UGGT1: variants seen among roughly 807,000 people sequenced by gnomAD.
UGGT1 encodes the protein UDP-glucose glycoprotein glucosyltransferase 1.
In UGGT1, 107 loss-of-function variants were observed where a neutral mutation model predicts 203.9. The ratio of observed to expected loss-of-function variants is 0.52; its 90% CI spans 0.45 to 0.62. UGGT1 has a LOEUF of 0.62. UGGT1 is among the 20% of genes least tolerant of loss of function. UGGT1 has a pLI of 0.00. For synonymous variants in UGGT1, 628 were observed against 653.5 expected (o/e 0.96, Z 0.59); for missense variants, 1,673 against 1,867.2 (o/e 0.90, Z 1.92).
intron 25 of UGGT1, 75 bp from the exon 26 acceptor site, chr2:128,164,655 T>C (rs1690694258): frequency 1.4e-5 from 17 of 1,214,188 alleles, no homozygotes; most frequent in Non-Finnish European, 1.9e-5. Context: ...GTATTTGGGC[T>C]GATGATATGT....
chr2:128,136,337 C>T (rs1689128820), intron 15 of UGGT1, among the ~76,000 whole-genome samples: 1 of 152,182 alleles, frequency 6.6e-6, no homozygotes, highest in African/African-American at 2.4e-5. Flanking sequence ...AGTTTCACTG[C>T]CCTAAAAATC....
intron 5 of UGGT1, among the ~76,000 whole-genome samples, chr2:128,110,455 A>G (rs992342917): frequency 1.3e-5 from 2 of 152,214 alleles, no homozygotes; most frequent in Non-Finnish European, 2.9e-5. Context: ...CTTCTTACTC[A>G]GAGTGCCGAC....
chr2:128,160,627 C>T lies in UGGT1; in HGVS notation c.2694+36C>T, dbSNP rs762217746. The stretch of plus-strand genomic sequence containing the variant: ...GTCAAGCTTGACTTCACATTAGATC[C>T]GTGAACAGTCTTTGCAGCATTCTCC... On this transcript the variant is annotated intron_variant, in intron 24 of 40. Transcript: ENST00000259253. 1.1e-5 allele frequency: 17 copies of T among 1,586,046 alleles called. No homozygotes were observed. The East Asian group carries it at 1.4e-4, about 13-fold the overall frequency.
chr2:128,134,724 G>A (rs1216694585), intron 14 of UGGT1, 152 bp from the exon 15 acceptor site: 1 of 634,324 alleles, frequency 1.6e-6, no homozygotes, highest in Admixed American at 2.6e-5. Context: ...CATAGAGGGA[G>A]GTAGCTGCTA....
At chr2:128,139,360 G>A (rs1264982166) in intron 16 of UGGT1, among the ~76,000 whole-genome samples, 4 of 152,204 alleles carry the variant, frequency 2.6e-5, no homozygotes, top group South Asian at 4.1e-4. Flanking sequence ...CTGGGATTAC[G>A]GCCGTGCACC....
At chr2:128,104,075 G>A (rs1573497526) in intron 3 of UGGT1, 61 bp downstream of exon 3, 1 of 1,365,664 alleles carries the variant, frequency 7.3e-7, no homozygotes, top group Non-Finnish European at 1.0e-6. Flanking sequence ...GGAAAAAATT[G>A]TCTCTTTATA....
In UGGT1 at chr2:128,120,369, G is replaced by T. The variant is rs765347260; in HGVS notation, c.886G>T (p.Asp296Tyr). Residue 296 changes from aspartate to tyrosine, a missense_variant, in exon 9 of 41, where the codon GAC becomes TAC. By Grantham distance (160) the Asp-to-Tyr change is radical. This residue lies in a region of UGGT1 where 1,073 missense variants were observed against 1,078.7 expected (regional missense o/e 0.99). Coordinates refer to ENST00000259253, the MANE Select transcript of UGGT1 (RefSeq NM_020120.4). ...LFGKLRDLHP[D>Y]LEGQLKELRK... ...TGTTTCTTTTAGAGATCTGCACCCC[G>T]ACCTGGAGGGACAGTTGAAAGAACT... is the stretch of plus-strand genomic sequence containing the variant. 1.3e-5 allele frequency: 21 copies of T among 1,613,548 alleles called. No individual in the cohort carries two copies. The highest frequency in any genetic ancestry group is 1.7e-6 in the Non-Finnish European group (2 of 1,179,870).
intron 18 of UGGT1, among the ~76,000 whole-genome samples, chr2:128,150,902 G>A (rs985328582): frequency 2.0e-5 from 3 of 152,042 alleles, no homozygotes. Flanking sequence ...CCAGGCTAGA[G>A]TTCAGTGGTG....
intron 37 of UGGT1, among the ~76,000 whole-genome samples, chr2:128,183,324 TC>T (rs57380100): frequency 5.3e-5 from 8 of 151,542 alleles, no homozygotes; most frequent in Middle Eastern, 3.4e-3. Context: ...TCTGGGGTTT[TC>T]CCCCCCCTGT....
chr2:128,187,422 C>A (rs1432358240), intron 39 of UGGT1, 27 bp from the exon 40 acceptor site: 1 of 1,605,532 alleles, frequency 6.2e-7, no homozygotes, highest in Non-Finnish European at 8.5e-7. Context: ...TTCAACTCAG[C>A]TGAAGTGTGT....
chr2:128,180,853 A>G (rs1691658416), intron 35 of UGGT1, 37 bp from the exon 36 acceptor site: 1 of 1,587,418 alleles, frequency 6.3e-7, no homozygotes, highest in African/African-American at 1.4e-5. Context: ...CTTAATCAGA[A>G]GAAATGATTA....
At chr2:128,156,275 G>A in intron 20 of UGGT1, 117 bp from the exon 21 acceptor site, 1 of 778,110 alleles carries the variant, frequency 1.3e-6, no homozygotes, top group Non-Finnish European at 2.2e-6. Flanking sequence ...ACAGGACTAA[G>A]CAGCAGGAAG....
At chr2:128,092,065 T>TTG (rs1405516269) in intron 1 of UGGT1, among the ~76,000 whole-genome samples, 2 of 152,206 alleles carry the variant, frequency 1.3e-5, no homozygotes, top group Non-Finnish European at 2.9e-5. Context: ...TTTTGCCTTA[T>TTG]TGTGCTACAC....
rs570900294 is a variant in UGGT1 at position 128,159,207 on chromosome 2, C to T, written c.2356-307C>T. 8.0e-5 allele frequency among the ~76,000 whole-genome samples: 12 copies of T among 149,864 alleles called. No individual in the cohort carries two copies. The East Asian group carries it at 2.4e-3, about 30-fold the overall frequency. On this transcript the variant is annotated intron_variant, in intron 22 of 40. Transcript: ENST00000259253. ...CTCCACCTCCCGAGTTCAAGCGATT[C>T]TCCTGCCACAGCCTTGCGAGTAGCT... is the stretch of plus-strand genomic sequence containing the variant.
chr2:128,169,679 T>C (rs548393155), intron 26 of UGGT1, among the ~76,000 whole-genome samples: 1 of 152,332 alleles, frequency 6.6e-6, no homozygotes, highest in Non-Finnish European at 1.5e-5. Context: ...ACAGCTTCAT[T>C]TGGTGAATAG....
chr2:128,169,048 TAAAAAAAAAAAAAAAAAA>T (rs544381740), intron 26 of UGGT1, among the ~76,000 whole-genome samples: 55 of 52,562 alleles, frequency 1.0e-3, no homozygotes, highest in African/African-American at 3.8e-3. Flanking sequence ...ACTCTGTCTT[TAAAAAAAAAAAAAAAAAA>T]AAAAAAAAAA....
At chr2:128,159,810 G>T in intron 23 of UGGT1, 90 bp downstream of exon 23, 2 of 1,340,146 alleles carry the variant, frequency 1.5e-6, no homozygotes, top group South Asian at 1.4e-5. Flanking sequence ...TCATGATCAC[G>T]ATTTGTCATT....
chr2:128,184,963 C>T (rs570056947), intron 38 of UGGT1, among the ~76,000 whole-genome samples: 2 of 152,020 alleles, frequency 1.3e-5, no homozygotes, highest in East Asian at 3.9e-4. Flanking sequence ...ATTACAATCA[C>T]GAGCCACAGT....
At position 128,186,763 on chromosome 2, in the gene UGGT1, T is replaced by C. The variant is rs990785222; in HGVS notation, c.4440T>C (p.Asp1480=). The C allele has an allele frequency of 4.3e-6, 7 of 1,613,364 alleles. No individual in the cohort carries two copies. The highest frequency in any genetic ancestry group is 5.9e-6 in the Non-Finnish European group (7 of 1,179,636). ...GGCTTTGGTGTGAAACGTGGTGTGA[T>C]GACGCCTCTAAGAAAAGGGCAAAAA... The part of the protein sequence containing the change: ...QEWLWCETWC[D]DASKKRAKTI... Residue 1480 remains aspartate, a synonymous_variant, in exon 39 of 41, where the codon GAT becomes GAC. Transcript: ENST00000259253.
Sources: allele counts gnomAD v4.1 joint callset (sites outside exome capture counted in the v4.1 genomes callset), GRCh38; gene constraint gnomAD v4.1.1; regional missense constraint gnomAD v4.1.1; transcripts MANE v1.5; gene names NCBI Gene and HGNC (gene_info 2026-07-23, HGNC 2026-07-21).